AKR1B1: variants seen among roughly 807,000 people sequenced by gnomAD.
The protein encoded by AKR1B1 is aldo-keto reductase family 1 member B.
A neutral mutation model predicts 40.4 loss-of-function variants in AKR1B1; 22 were observed. That is an observed-to-expected ratio of 0.54 (90% CI 0.39 to 0.78). The LOEUF (loss-of-function observed/expected upper bound fraction) is 0.78. Among genes scored for constraint, AKR1B1 ranks in the 30% least tolerant of loss-of-function variants. The pLI is 0.00. For missense variants in AKR1B1, 357 were observed against 396.7 expected (o/e 0.90, Z 0.85); for synonymous variants, 157 against 149.9 (o/e 1.05, Z -0.35).
upstream of AKR1B1, chr7:134,459,205 T>G: frequency 1.7e-5 from 18 of 1,028,586 alleles, no homozygotes; most frequent in Non-Finnish European, 2.3e-5. Flanking sequence ...TTGGTTGCGC[T>G]GGGGGTGCCG....
chr7:134,459,017 G>C lies in AKR1B1; in HGVS notation c.46C>G (p.Leu16Val), dbSNP rs1388883173. The C allele has an allele frequency of 6.2e-7, 1 of 1,608,760 alleles. No homozygotes were observed. The highest frequency in any genetic ancestry group is 1.3e-5 in the African/African-American group (1 of 74,822). ...CCTACCTTCCAGGTACCCAACCCCA[G>C]GATGGGCATCTTGGCGCCGTTGTTG... Reference protein sequence around the residue: ...LLNNGAKMPILGLGTWKSPPG... With the variant: ...LLNNGAKMPIVGLGTWKSPPG... The change falls in exon 1 of 10, where the codon CTG becomes GTG. Residue 16 changes from leucine (L) to valine (V), a missense_variant. Transcript: ENST00000285930.
intron 8 of AKR1B1, among the ~76,000 whole-genome samples, chr7:134,446,439 A>G (rs1806097535): frequency 6.6e-6 from 1 of 152,362 alleles, no homozygotes; most frequent in South Asian, 2.1e-4. Context: ...GGGCCTGCCC[A>G]AGAGCCCCAG....
Position 134,451,771 on chromosome 7 carries a change from G to A in AKR1B1, c.67-18C>T, listed in dbSNP as rs374653444. 110 of 1,613,316 alleles carry A rather than the reference G, an allele frequency of 6.8e-5. No homozygotes were observed. Among genetic ancestry groups the A allele is most frequent in the African/African-American group, 1.2e-4 (9 of 74,900 alleles). On this transcript the variant is annotated intron_variant, in intron 1 of 9. Transcript: ENST00000285930. ...GGAGGGGACTGAAAGGAGAAAGAACGTGAGCCCCGCAGAATGCAGAGTCTG... is the reference window on the plus strand; with the variant it reads ...GGAGGGGACTGAAAGGAGAAAGAACATGAGCCCCGCAGAATGCAGAGTCTG...
intron 2 of AKR1B1, chr7:134,451,179 C>T (rs578050807): frequency 1.8e-6 from 1 of 558,752 alleles, no homozygotes. Flanking sequence ...TCGAAACTTT[C>T]CCCCCGGGCT....
chr7:134,442,802 T>C lies in AKR1B1; in HGVS notation c.909-32A>G, dbSNP rs776554454. 3.1e-6 allele frequency: 5 copies of C among 1,609,272 alleles called. No individual in the cohort carries two copies. In the East Asian group the frequency reaches 6.7e-5, roughly 22 times the overall value. On this transcript the variant is annotated intron_variant, in intron 9 of 9. Coordinates refer to ENST00000285930, the MANE Select transcript of AKR1B1 (RefSeq NM_001628.4). ...GGAGAAAGGAGAAAACAGTTGCTTT[T>C]TGAAGAGGTGATTTTGACTATACCC...
At chr7:134,450,663 T>C in intron 3 of AKR1B1, 123 bp downstream of exon 3, 1 of 807,030 alleles carries the variant, frequency 1.2e-6, no homozygotes, top group Non-Finnish European at 2.2e-6. Context: ...GATGGTCCAC[T>C]GGCTATACCT....
At chr7:134,451,894 A>G in intron 1 of AKR1B1, 141 bp from the exon 2 acceptor site, 1 of 855,224 alleles carries the variant, frequency 1.2e-6, no homozygotes, top group Non-Finnish European at 1.9e-6. Flanking sequence ...CCTCAGCAGC[A>G]TTCTGGACTA....
At chr7:134,451,508 T>A in intron 2 of AKR1B1, 78 bp downstream of exon 2, 1 of 1,532,804 alleles carries the variant, frequency 6.5e-7, no homozygotes, top group South Asian at 1.1e-5. Context: ...CTGTATTGAG[T>A]GTGGACTTGG....
intron 8 of AKR1B1, 50 bp from the exon 9 acceptor site, chr7:134,445,370 G>A (rs895855743): frequency 3.4e-6 from 5 of 1,484,816 alleles, no homozygotes; most frequent in African/African-American, 1.4e-5. Flanking sequence ...AAAAATAAAA[G>A]ACAAAATACT....
chr7:134,443,377 C>T (rs1246249551), intron 9 of AKR1B1, among the ~76,000 whole-genome samples: 1 of 151,844 alleles, frequency 6.6e-6, no homozygotes, highest in African/African-American at 2.4e-5. Flanking sequence ...CATGCCATTA[C>T]ATTCCAGCCT....
intron 9 of AKR1B1, chr7:134,444,845 C>G (rs1585707134): frequency 3.0e-6 from 1 of 330,226 alleles, no homozygotes; most frequent in Non-Finnish European, 5.9e-6. Flanking sequence ...GCCCCAGGGG[C>G]TCCCGACCAA....
At position 134,450,775 on chromosome 7, in the gene AKR1B1, G is replaced by T; in HGVS notation, c.351+11C>A. 1 of 1,608,946 alleles carries T rather than the reference G, an allele frequency of 6.2e-7. No homozygotes were observed. The highest frequency in any genetic ancestry group is 8.5e-7 in the Non-Finnish European group (1 of 1,175,968). ...CCCCAAGGGACCTGGTCTGCACCAG[G>T]CATCCCATACCTTAAAGCCAGTCGG... On this transcript the variant is annotated intron_variant, in intron 3 of 9. Transcript: ENST00000285930.
chr7:134,454,937 G>A (rs1486553393), intron 1 of AKR1B1, among the ~76,000 whole-genome samples: 31 of 152,312 alleles, frequency 2.0e-4, no homozygotes, highest in Non-Finnish European at 7.4e-5. Context: ...GACTGACCCT[G>A]TAGGGGCAGG....
chr7:134,448,084 G>A (rs1272797981), intron 6 of AKR1B1, 23 bp from the exon 7 acceptor site: 1 of 1,591,874 alleles, frequency 6.3e-7, no homozygotes, highest in Admixed American at 1.7e-5. Context: ...AGACAGTCCA[G>A]GTCACACCAT....
At chr7:134,443,412 CAA>C (rs35632302) in intron 9 of AKR1B1, among the ~76,000 whole-genome samples, 1 of 138,022 alleles carries the variant, frequency 7.2e-6, no homozygotes, top group African/African-American at 2.7e-5. Flanking sequence ...GAGCCCATTT[CAA>C]AAAAAAAAAG....
Position 134,451,714 on chromosome 7 carries a change from T to C in AKR1B1, c.106A>G (p.Ile36Val), listed in dbSNP as rs1422453741. ...TCGATGTGGCGGTACCCGACGTCAA[T>C]GGCCACCTTCACGGCCTCAGTCACC... ...GQVTEAVKVA[I>V]DVGYRHIDCA... The change falls in exon 2 of 10, where the codon ATT becomes GTT. Residue 36 changes from isoleucine to valine, a missense_variant. Ile to Val is a conservative substitution (Grantham distance 29). Coordinates refer to ENST00000285930, the MANE Select transcript of AKR1B1 (RefSeq NM_001628.4). 3 of 1,614,140 alleles carry C rather than the reference T, an allele frequency of 1.9e-6. No homozygotes were observed. Among genetic ancestry groups the C allele is most frequent in the South Asian group, 2.2e-5 (2 of 91,084 alleles).
chr7:134,451,783 G>C (rs1477587251), intron 1 of AKR1B1, 30 bp from the exon 2 acceptor site: 1 of 1,611,162 alleles, frequency 6.2e-7, no homozygotes, highest in African/African-American at 1.3e-5. Context: ...GAGCCCCGCA[G>C]AATGCAGAGT....
In AKR1B1 at chr7:134,445,082, G is replaced by A. The variant is rs559988847; in HGVS notation, c.908+156C>T. ...CATCTTGGCTCCATGCAGTTCAGCT[G>A]ATGCAAGTCACGTGGCTGAGAAAGC... On this transcript the variant is annotated intron_variant, in intron 9 of 9. Coordinates refer to ENST00000285930, the MANE Select transcript of AKR1B1 (RefSeq NM_001628.4). The A allele has an allele frequency of 8.1e-5, 59 of 725,470 alleles. No individual in the cohort carries two copies. In the South Asian group the frequency reaches 8.5e-4, roughly 11 times the overall value. The allele number at this position is 725,470 out of a possible 1,614,324, so 44.9% of individuals were successfully genotyped here.
intron 3 of AKR1B1, 82 bp downstream of exon 3, chr7:134,450,704 G>A (rs576954208): frequency 3.8e-5 from 40 of 1,042,602 alleles, no homozygotes; most frequent in East Asian, 1.7e-4. Context: ...TCACCCACAC[G>A]TAATCTGCTA....
Sources: gnomAD v4.1 joint callset for allele counts (sites outside exome capture counted in the v4.1 genomes callset) on GRCh38, gnomAD v4.1.1 for gene constraint, MANE v1.5 for transcripts, NCBI Gene and HGNC (gene_info 2026-07-23, HGNC 2026-07-21) for gene names.